The following LRRC18 variants were observed in gnomAD, a reference collection of about 807,000 sequenced individuals.
LRRC18 encodes leucine rich repeat containing 18.
Under a neutral mutation model 11.2 loss-of-function variants are expected in LRRC18, and 12 were observed. That is an observed-to-expected ratio of 1.07 (90% CI 0.69 to 1.74). The LOEUF (loss-of-function observed/expected upper bound fraction) is 1.74, where lower values mean the gene tolerates loss of function less well. Among genes scored for constraint, LRRC18 ranks in the 40% most tolerant of loss-of-function variants. LRRC18 has a pLI of 0.00. For synonymous variants in LRRC18, 155 were observed against 130.6 expected (o/e 1.19, Z -1.27); for missense variants, 374 against 330.5 (o/e 1.13, Z -1.02).
At chr10:48,923,249 A>G in the LRRC18 span, among the ~76,000 whole-genome samples, 6 of 151,940 alleles carry the variant, frequency 3.9e-5, no homozygotes, top group Non-Finnish European at 7.4e-5. Context: ...TCCCTGGTGT[A>G]TGCACTGGGG....
the LRRC18 span, among the ~76,000 whole-genome samples, chr10:48,920,244 G>T: frequency 2.6e-5 from 4 of 151,920 alleles, no homozygotes; most frequent in African/African-American, 9.7e-5. Context: ...GCTAAAGGAC[G>T]TCCACAAAAA....
At chr10:48,935,306 G>A in the LRRC18 span, 1 of 152,218 alleles carries the variant, frequency 6.6e-6, no homozygotes, top group African/African-American at 2.4e-5. Flanking sequence ...AGGCTGAAAG[G>A]GTCTCTAAGA....
the LRRC18 span, among the ~76,000 whole-genome samples, chr10:48,939,430 G>A: frequency 6.6e-6 from 1 of 152,154 alleles, no homozygotes; most frequent in African/African-American, 2.4e-5. Flanking sequence ...CTTGCTCGGG[G>A]CCCCCCATTT....
chr10:48,913,806 A>G, exon 1 of LRRC18: 1 of 1,614,012 alleles, frequency 6.2e-7, no homozygotes, highest in Non-Finnish European at 8.5e-7. Flanking sequence ...GAGTTGCTTC[A>G]GCTCCACGGG....
At chr10:48,919,388 C>A in the LRRC18 span, among the ~76,000 whole-genome samples, 1 of 152,156 alleles carries the variant, frequency 6.6e-6, no homozygotes, top group African/African-American at 2.4e-5. Context: ...ATGGAATTCA[C>A]GGTTGAAACC....
upstream of LRRC18, among the ~76,000 whole-genome samples, chr10:48,916,544 C>T (rs1338670878): frequency 6.6e-6 from 1 of 152,164 alleles, no homozygotes; most frequent in Non-Finnish European, 1.5e-5. Context: ...TACCCTACTG[C>T]CACTTGGCTC....
the LRRC18 span, among the ~76,000 whole-genome samples, chr10:48,934,273 T>G: frequency 6.6e-6 from 1 of 152,224 alleles, no homozygotes; most frequent in Non-Finnish European, 1.5e-5. Context: ...AGACACTACC[T>G]ACTTTTTAGC....
chr10:48,929,156 T>G, the LRRC18 span, among the ~76,000 whole-genome samples: 1 of 151,712 alleles, frequency 6.6e-6, no homozygotes, highest in Non-Finnish European at 1.5e-5. Flanking sequence ...GGGAGAGAAT[T>G]TCAGATGGAG....
At chr10:48,922,518 T>G in the LRRC18 span, among the ~76,000 whole-genome samples, 14 of 152,250 alleles carry the variant, frequency 9.2e-5, no homozygotes, top group African/African-American at 3.4e-4. Context: ...GAACAGTAAA[T>G]TGTTGAAATT....
intron 1 of LRRC18, among the ~76,000 whole-genome samples, chr10:48,912,730 G>C (rs1838122547): frequency 6.6e-6 from 1 of 152,210 alleles, no homozygotes; most frequent in Non-Finnish European, 1.5e-5. Flanking sequence ...TAATAGGATG[G>C]GAGTGCAACT....
At chr10:48,938,990 GTTC>G in the LRRC18 span, among the ~76,000 whole-genome samples, 1 of 152,162 alleles carries the variant, frequency 6.6e-6, no homozygotes, top group Non-Finnish European at 1.5e-5. Context: ...GAGTTCTTCT[GTTC>G]TTCTCTGCTC....
At chr10:48,917,071 T>C (rs1462335015), upstream of LRRC18, among the ~76,000 whole-genome samples, 2 of 152,216 alleles carry the variant, frequency 1.3e-5, no homozygotes, top group Non-Finnish European at 2.9e-5. Context: ...TTTAGTACAG[T>C]AACATGCTGT....
At chr10:48,927,677 G>A in the LRRC18 span, among the ~76,000 whole-genome samples, 2 of 152,188 alleles carry the variant, frequency 1.3e-5, no homozygotes, top group Non-Finnish European at 2.9e-5. Flanking sequence ...TGTGCTGCCT[G>A]GAAAGCCGTT....
chr10:48,913,338 C>T (rs2133495077), intron 1 of LRRC18, 54 bp downstream of exon 3: 1 of 1,547,772 alleles, frequency 6.5e-7, no homozygotes, highest in African/African-American at 1.4e-5. Context: ...AGCCCACTGC[C>T]CTCTTCCCTC....
At chr10:48,914,172 A>G in exon 1 of LRRC18, 1 of 1,604,150 alleles carries the variant, frequency 6.2e-7, no homozygotes, top group Non-Finnish European at 8.5e-7. Context: ...TTAGTAAGGG[A>G]GTGTTAGAAG....
chr10:48,913,862 C>T, exon 1 of LRRC18: 2 of 1,614,070 alleles, frequency 1.2e-6, no homozygotes, highest in African/African-American at 1.3e-5. Flanking sequence ...TGAGGTAGAG[C>T]AGGCTGGTCA....
At chr10:48,938,117 G>A in the LRRC18 span, among the ~76,000 whole-genome samples, 1 of 152,190 alleles carries the variant, frequency 6.6e-6, no homozygotes, top group Non-Finnish European at 1.5e-5. Context: ...TATGCCTAGT[G>A]CTTCTTAACT....
rs962956181 is a variant in LRRC18 at position 48,913,542 on chromosome 10, T to A, written c.614A>T (p.Asp205Val). ...TTTTCTCAGGCAAGCCGCACACAGA[T>A]CCTTCTCCTCCACAACATACAAGTT... The change falls in exon 1 of 2, where the codon GAT (aspartate) becomes GTT (valine). Residue 205 changes from aspartate to valine, a missense_variant. Physicochemically the swap from Asp to Val is radical, Grantham distance 152. Coordinates refer to ENST00000374160, the Ensembl canonical transcript of LRRC18. 3.7e-6 allele frequency: 6 copies of A among 1,614,008 alleles called. No individual in the cohort carries two copies. In the South Asian group the frequency reaches 5.5e-5, roughly 15 times the overall value.
chr10:48,912,077 T>C (rs1838058201), intron 1 of LRRC18, among the ~76,000 whole-genome samples: 1 of 152,214 alleles, frequency 6.6e-6, no homozygotes, highest in Non-Finnish European at 1.5e-5. Context: ...TCCCTCAAGG[T>C]ATCATTCTTG....
Sources: gnomAD v4.1 joint callset for allele counts (sites outside exome capture counted in the v4.1 genomes callset) on GRCh38, gnomAD v4.1.1 for gene constraint, MANE v1.5 for transcripts, NCBI Gene and HGNC (gene_info 2026-07-23, HGNC 2026-07-21) for gene names.